NOL4: variants seen among roughly 807,000 people sequenced by gnomAD.
NOL4 encodes nucleolar protein 4.
In NOL4, 17 loss-of-function variants were observed where a neutral mutation model predicts 75.9. The observed-to-expected ratio is 0.22, with a 90% confidence interval of 0.15 to 0.34. The LOEUF (loss-of-function observed/expected upper bound fraction) is 0.34. Among genes scored for constraint, NOL4 ranks in the 10% least tolerant of loss-of-function variants. NOL4 has a pLI of 1.00. For missense variants in NOL4, 614 were observed against 793.5 expected, an observed-to-expected ratio of 0.77 and a Z score of 2.72; for synonymous variants, 292 against 289.9, an observed-to-expected ratio of 1.01 and a Z score of -0.07.
chr18:34,013,646 TG>T (rs2074508412), intron 6 of NOL4, among the ~76,000 whole-genome samples: 1 of 151,966 alleles, frequency 6.6e-6, no homozygotes, highest in Non-Finnish European at 1.5e-5. Context: ...TATTGCTAAG[TG>T]GCCATCTCCT....
chr18:33,907,323 CAAAAAAA>C (rs35702916), intron 9 of NOL4, among the ~76,000 whole-genome samples: 2 of 79,720 alleles, frequency 2.5e-5, no homozygotes, highest in Non-Finnish European at 5.0e-5. Context: ...GACTCCATTT[CAAAAAAA>C]AAAAAAAAAA....
intron 5 of NOL4, among the ~76,000 whole-genome samples, chr18:34,050,521 C>T (rs949446129): frequency 6.6e-6 from 1 of 151,970 alleles, no homozygotes; most frequent in Non-Finnish European, 1.5e-5. Flanking sequence ...CCCAAGAAGA[C>T]AATATTGTTT....
At chr18:34,048,612 T>A (rs2076489690) in intron 5 of NOL4, 4 of 985,202 alleles carry the variant, frequency 4.1e-6, no homozygotes, top group Non-Finnish European at 4.8e-6. Context: ...CTTTCCTGTA[T>A]GAAGCAGGAG....
rs368028148 is a variant in NOL4, at chr18:33,889,280, T to C, written c.1543-5856A>G. On this transcript the variant is annotated intron_variant, in intron 9 of 10. Coordinates refer to ENST00000261592, the MANE Select transcript of NOL4 (RefSeq NM_003787.5). ...AACTTGAAAATCTAGAAGAAATGGATAAATTCCAGGACACATACAGCCTCC... is the reference window on the plus strand; with the variant it reads ...AACTTGAAAATCTAGAAGAAATGGACAAATTCCAGGACACATACAGCCTCC... 3.9e-5 allele frequency among the ~76,000 whole-genome samples: 6 copies of C among 152,012 alleles called. No homozygotes were observed. In the East Asian group the frequency reaches 9.7e-4, roughly 25 times the overall value.
At chr18:34,222,092 T>C (rs1220116213) in intron 1 of NOL4, 4 of 1,534,774 alleles carry the variant, frequency 2.6e-6, no homozygotes, top group Non-Finnish European at 3.5e-6. Flanking sequence ...CCCATCTTCT[T>C]GTGAAGAAAA....
Position 33,851,335 on chromosome 18 carries a change from C to CAGT in NOL4, c.*1504_*1506dup, listed in dbSNP as rs2062629019. ...TTTTTGTTTACATAATTGTAAGGAA[C>CAGT]AGTAATTCTAGAAACACTAGAAGAA... On this transcript the variant is annotated 3_prime_UTR_variant, in exon 11 of 11. Coordinates refer to ENST00000261592, the MANE Select transcript of NOL4 (RefSeq NM_003787.5). 6.6e-6 allele frequency: 1 copy of CAGT among 151,886 alleles called. No homozygotes were observed. The highest frequency in any genetic ancestry group is 1.9e-4 in the East Asian group (1 of 5,146). The allele number at this position is 151,886 out of a possible 1,614,324, so 9.4% of individuals were successfully genotyped here.
intron 6 of NOL4, among the ~76,000 whole-genome samples, chr18:34,007,068 C>T (rs1486375071): frequency 2.0e-5 from 3 of 151,972 alleles, no homozygotes; most frequent in African/African-American, 7.2e-5. Flanking sequence ...GAGATAAATG[C>T]TTCCACCAGG....
At chr18:34,071,044 G>A (rs1370110784) in intron 5 of NOL4, among the ~76,000 whole-genome samples, 1 of 152,078 alleles carries the variant, frequency 6.6e-6, no homozygotes, top group East Asian at 1.9e-4. Flanking sequence ...CATAGCAGGG[G>A]TGACAATAGT....
intron 5 of NOL4, among the ~76,000 whole-genome samples, chr18:34,057,445 G>A (rs971472946): frequency 5.3e-5 from 8 of 152,198 alleles, no homozygotes; most frequent in Middle Eastern, 3.4e-3. Flanking sequence ...CCTTGTATAC[G>A]TGCCATTGTC....
At chr18:33,914,976 G>A (rs964678206) in intron 9 of NOL4, among the ~76,000 whole-genome samples, 1 of 152,048 alleles carries the variant, frequency 6.6e-6, no homozygotes, top group Non-Finnish European at 1.5e-5. Flanking sequence ...CAGGAGAAAA[G>A]AGAAGAGGTC....
chr18:34,084,192 G>A (rs572645228), intron 5 of NOL4, among the ~76,000 whole-genome samples: 2 of 152,284 alleles, frequency 1.3e-5, no homozygotes, highest in East Asian at 3.9e-4. Context: ...CTGCCCCTTG[G>A]TGGAGCGGGT....
chr18:33,946,183 CA>C (rs935037356), intron 8 of NOL4, among the ~76,000 whole-genome samples: 3 of 151,538 alleles, frequency 2.0e-5, no homozygotes, highest in African/African-American at 4.8e-5. Context: ...GTGTTACAAT[CA>C]AAAAATTATA....
intron 5 of NOL4, among the ~76,000 whole-genome samples, chr18:34,064,149 T>C (rs2077173590): frequency 6.6e-6 from 1 of 152,020 alleles, no homozygotes; most frequent in South Asian, 2.1e-4. Context: ...TTCTGACTCG[T>C]TTATTGGTGC....
At chr18:33,887,951 G>C (rs1173272743) in intron 9 of NOL4, among the ~76,000 whole-genome samples, 3 of 152,086 alleles carry the variant, frequency 2.0e-5, no homozygotes, top group African/African-American at 7.2e-5. Context: ...GGGATGGCTG[G>C]GTCAAATGGT....
Position 33,985,576 on chromosome 18 carries a change from C to G in NOL4, c.1057-27158G>C, listed in dbSNP as rs567159614. On this transcript the variant is annotated intron_variant, in intron 6 of 10. Transcript: ENST00000261592. ...CCTCAAAAATCGCCTTTTAGTCACT[C>G]CAATTTGTTTTTCCTCTAGGCTAAT... 9.9e-5 allele frequency among the ~76,000 whole-genome samples: 15 copies of G among 152,166 alleles called. No individual in the cohort carries two copies. The South Asian group carries it at 3.1e-3, about 32-fold the overall frequency.
At chr18:34,059,156 T>TAC (rs1555709303) in intron 5 of NOL4, among the ~76,000 whole-genome samples, 44 of 132,870 alleles carry the variant, frequency 3.3e-4, no homozygotes, top group South Asian at 9.6e-4. Context: ...TATATATATA[T>TAC]ACACATGCTT....
At chr18:33,855,666 A>G (rs2062805347) in intron 10 of NOL4, among the ~76,000 whole-genome samples, 1 of 152,116 alleles carries the variant, frequency 6.6e-6, no homozygotes, top group South Asian at 2.1e-4. Context: ...ATAAGAGACA[A>G]AAGATATTTC....
At chr18:34,020,731 G>A (rs757177353) in intron 5 of NOL4, among the ~76,000 whole-genome samples, 7 of 152,014 alleles carry the variant, frequency 4.6e-5, no homozygotes, top group Non-Finnish European at 4.4e-5. Context: ...CTACAAAAGA[G>A]TGTGGTTGGT....
intron 5 of NOL4, among the ~76,000 whole-genome samples, chr18:34,090,664 G>T (rs867707377): frequency 2.0e-5 from 3 of 152,024 alleles, no homozygotes; most frequent in Admixed American, 6.6e-5. Context: ...AAAAAAAAAG[G>T]GGGGGAGGCA....
Sources: gnomAD v4.1 joint callset for allele counts (sites outside exome capture counted in the v4.1 genomes callset) on GRCh38, gnomAD v4.1.1 for gene constraint, MANE v1.5 for transcripts, NCBI Gene and HGNC (gene_info 2026-07-23, HGNC 2026-07-21) for gene names.